SLC23A2: variants seen among roughly 807,000 people sequenced by gnomAD.
SLC23A2 encodes the protein Na(+)/L-ascorbic acid transporter 2.
Under a neutral mutation model 73.3 loss-of-function variants are expected in SLC23A2, and 36 were observed. That is an observed-to-expected ratio of 0.49 (90% CI 0.38 to 0.65). The LOEUF (loss-of-function observed/expected upper bound fraction) is 0.65. Among genes scored for constraint, SLC23A2 ranks in the 30% least tolerant of loss-of-function variants. The probability of loss-of-function intolerance (pLI) is 0.00; values close to 1 mark genes in which losing one functional copy is unlikely to be tolerated. For missense variants in SLC23A2, 507 were observed against 841.6 expected (o/e 0.60, Z 4.92); for synonymous variants, 343 against 327.3 (o/e 1.05, Z -0.52).
At chr20:4,871,353 G>T (rs1258630261) in intron 11 of SLC23A2, among the ~76,000 whole-genome samples, 1 of 152,172 alleles carries the variant, frequency 6.6e-6, no homozygotes, top group East Asian at 1.9e-4. Context: ...TCGGGCCCTG[G>T]CCAGGGAAGG....
intron 9 of SLC23A2, among the ~76,000 whole-genome samples, chr20:4,881,014 G>A (rs576118873): frequency 1.6e-4 from 24 of 152,320 alleles, no homozygotes; most frequent in Admixed American, 5.9e-4. Context: ...AAAAGAGAAC[G>A]GGTTCAGAAT....
chr20:4,965,331 C>CT (rs1164651628), intron 2 of SLC23A2, among the ~76,000 whole-genome samples: 2 of 152,144 alleles, frequency 1.3e-5, no homozygotes, highest in Non-Finnish European at 2.9e-5. Flanking sequence ...CCTGATTTTC[C>CT]TTAAATCCTT....
chr20:4,927,231 C>G (rs1232700229), intron 3 of SLC23A2, among the ~76,000 whole-genome samples: 1 of 152,178 alleles, frequency 6.6e-6, no homozygotes, highest in East Asian at 1.9e-4. Context: ...GACTAGCAGC[C>G]ATGATGCTGG....
intron 13 of SLC23A2, among the ~76,000 whole-genome samples, chr20:4,866,663 C>T (rs1415770311): frequency 6.6e-6 from 1 of 152,256 alleles, no homozygotes; most frequent in East Asian, 1.9e-4. Context: ...ACAAACCAGG[C>T]ATGTGTGTGC....
chr20:4,869,637 A>T (rs1432696619), intron 12 of SLC23A2: 7 of 414,904 alleles, frequency 1.7e-5, no homozygotes, highest in Non-Finnish European at 3.0e-5. Context: ...TTTCGCAGAG[A>T]GTGTGTTATT....
At chr20:4,920,980 A>G (rs959180414) in intron 3 of SLC23A2, among the ~76,000 whole-genome samples, 2 of 152,226 alleles carry the variant, frequency 1.3e-5, no homozygotes, top group Admixed American at 1.3e-4. Flanking sequence ...GCACAATGAA[A>G]GAATATAAAT....
At chr20:4,864,713 T>C (rs568038515) in intron 13 of SLC23A2, among the ~76,000 whole-genome samples, 2 of 152,328 alleles carry the variant, frequency 1.3e-5, no homozygotes, top group Admixed American at 1.3e-4. Flanking sequence ...TGTTCTGCTG[T>C]TGGGGGAGCC....
At chr20:4,884,048 G>A (rs1302224433) in intron 8 of SLC23A2, among the ~76,000 whole-genome samples, 1 of 152,182 alleles carries the variant, frequency 6.6e-6, no homozygotes, top group Non-Finnish European at 1.5e-5. Context: ...ATAGGTCCTG[G>A]ACACACGGCC....
intron 2 of SLC23A2, among the ~76,000 whole-genome samples, chr20:4,934,626 C>CT (rs2086932073): frequency 6.6e-6 from 1 of 151,946 alleles, no homozygotes; most frequent in South Asian, 2.1e-4. Context: ...GTTTGAGAGG[C>CT]TGAGGTGGGT....
chr20:4,951,107 C>A (rs770391180), intron 2 of SLC23A2, among the ~76,000 whole-genome samples: 1 of 152,140 alleles, frequency 6.6e-6, no homozygotes, highest in Non-Finnish European at 1.5e-5. Flanking sequence ...TCAGGACATG[C>A]TGTGAAGACT....
chr20:4,898,670 T>G (rs1931637738), intron 6 of SLC23A2, among the ~76,000 whole-genome samples: 1 of 151,864 alleles, frequency 6.6e-6, no homozygotes, highest in African/African-American at 2.4e-5. Flanking sequence ...CAGGAGGAGG[T>G]AGGAAGGTAG....
chr20:4,907,023 C>T (rs1022733620), intron 4 of SLC23A2, among the ~76,000 whole-genome samples: 1 of 152,100 alleles, frequency 6.6e-6, no homozygotes, highest in African/African-American at 2.4e-5. Flanking sequence ...GTCTTAACTC[C>T]GCAAACTGGT....
At chr20:4,976,561 A>G (rs1019150473) in intron 1 of SLC23A2, among the ~76,000 whole-genome samples, 25 of 152,008 alleles carry the variant, frequency 1.6e-4, no homozygotes, top group African/African-American at 6.0e-4. Flanking sequence ...CTGTAATCCC[A>G]GCTACTCGGG....
In SLC23A2 at chr20:4,927,417, T is replaced by A. The variant is rs543251299; in HGVS notation, c.108+5038A>T. ...CCCAACGGTGAGACCCTCAACCCTA[T>A]CTTCCTCTGCCAGCTCTGCCTGCCA... On this transcript the variant is annotated intron_variant, in intron 3 of 16. Transcript: ENST00000338244. 1.0e-3 allele frequency among the ~76,000 whole-genome samples: 153 copies of A among 152,294 alleles called. 1 individual carries two copies. The highest frequency in any genetic ancestry group is 3.4e-3 in the African/African-American group (141 of 41,572).
At position 4,899,530 on chromosome 20, in the gene SLC23A2, TC is replaced by T. The variant is rs766534338; in HGVS notation, c.482+24del. 5 of 1,609,568 alleles carry T rather than the reference TC, an allele frequency of 3.1e-6. No homozygotes were observed. The African/African-American group carries it at 5.4e-5, about 17-fold the overall frequency. ...TCAATGCCTTCTGGGGGCTTTGGCATCCCCCATTAGTACCCCAATCTCACCT... is the reference window on the plus strand; with the variant it reads ...TCAATGCCTTCTGGGGGCTTTGGCATCCCCATTAGTACCCCAATCTCACCT... On this transcript the variant is annotated intron_variant, in intron 6 of 16. Coordinates refer to ENST00000338244, the MANE Select transcript of SLC23A2 (RefSeq NM_005116.6). The surrounding 1 kb of genome is among the most constrained non-coding windows in gnomAD (Gnocchi z 4.9).
chr20:4,995,155 C>T (rs2087998002), intron 1 of SLC23A2, among the ~76,000 whole-genome samples: 1 of 151,976 alleles, frequency 6.6e-6, no homozygotes, highest in African/African-American at 2.4e-5. Flanking sequence ...AAAGGAAAGC[C>T]AGTGGGGGGA....
rs1025162936 is a variant in SLC23A2, at chr20:4,857,331, C to T, written c.1721-127G>A. 1.9e-6 allele frequency: 1 copy of T among 521,540 alleles called. No homozygotes were observed. The highest frequency in any genetic ancestry group is 3.3e-6 in the Non-Finnish European group (1 of 302,570). The allele number at this position is 521,540 out of a possible 1,614,324, so 32.3% of individuals were successfully genotyped here. On this transcript the variant is annotated intron_variant, in intron 16 of 16. Transcript: ENST00000338244. This position sits in a 1 kb window ranked among gnomAD's most constrained non-coding sequence, Gnocchi z 4.0. ...ACACACACACACACACACACACACA[C>T]ACACATGGTCCCACAGATCAAACCT...
chr20:4,979,602 A>C (rs1489981927), intron 1 of SLC23A2, among the ~76,000 whole-genome samples: 5 of 152,166 alleles, frequency 3.3e-5, no homozygotes, highest in Non-Finnish European at 7.4e-5. Flanking sequence ...AATATTGGAA[A>C]ATCTTCTATT....
chr20:4,878,278 G>A (rs550193114), intron 9 of SLC23A2, among the ~76,000 whole-genome samples: 13 of 151,952 alleles, frequency 8.6e-5, no homozygotes, highest in Non-Finnish European at 1.6e-4. Flanking sequence ...CCTCCACCTC[G>A]TGGGTTCAAG....
Sources: allele counts gnomAD v4.1 joint callset (sites outside exome capture counted in the v4.1 genomes callset), GRCh38; gene constraint gnomAD v4.1.1; non-coding constraint Gnocchi (gnomAD v3.1); transcripts MANE v1.5; gene names NCBI Gene and HGNC (gene_info 2026-07-23, HGNC 2026-07-21).